Variants in MTREX observed in about 807,000 individuals in gnomAD.
The protein encoded by MTREX is exosome RNA helicase MTR4.
MTREX carries 76 observed loss-of-function variants against 135.4 expected under a neutral mutation model. The ratio of observed to expected loss-of-function variants is 0.56; its 90% CI spans 0.47 to 0.68. MTREX has a LOEUF of 0.68. Among genes scored for constraint, MTREX ranks in the 30% least tolerant of loss-of-function variants. MTREX has a pLI of 0.00. For synonymous variants in MTREX, 404 were observed against 401.6 expected (o/e 1.01, Z -0.07); for missense variants, 920 against 1,262.1 (o/e 0.73, Z 4.11).
chr5:55,423,038 C>G, intron 26 of MTREX, 56 bp downstream of exon 26: 1 of 1,388,590 alleles, frequency 7.2e-7, no homozygotes, highest in Non-Finnish European at 1.0e-6. Context: ...TGAAGCAAAT[C>G]TTGAGCCCTG....
In MTREX at chr5:55,401,438, A is replaced by C. The variant is rs565502928; in HGVS notation, c.2481+1017A>C. Among the ~76,000 whole-genome samples, 4 of 152,346 alleles carry C rather than the reference A, an allele frequency of 2.6e-5. No homozygotes were observed. In the South Asian group the frequency reaches 6.2e-4, roughly 24 times the overall value. On this transcript the variant is annotated intron_variant, in intron 21 of 26. Coordinates refer to ENST00000230640, the MANE Select transcript of MTREX (RefSeq NM_015360.5). ...TTTTTCTAACTTTTTGGCTCTGATG[A>C]ATAATGCTGCTGTGAACATTTGTAT...
Position 55,410,499 on chromosome 5 carries a change from T to TTAAATG in MTREX, c.2646-23_2646-22insAATGTA, listed in dbSNP as rs1481337011. On this transcript the variant is annotated intron_variant, in intron 22 of 26. Coordinates refer to ENST00000230640, the MANE Select transcript of MTREX (RefSeq NM_015360.5). ...ATGTGTGTCTTTATATTCTGACATTTTATTCTTTTGTTTTGCCATTGTAGT... is the reference window on the plus strand; with the variant it reads ...ATGTGTGTCTTTATATTCTGACATTTTAAATGTATTCTTTTGTTTTGCCATTGTAGT... 3 of 1,482,032 alleles carry TTAAATG rather than the reference T, an allele frequency of 2.0e-6. No individual in the cohort carries two copies. In the African/African-American group the frequency reaches 4.2e-5, roughly 21 times the overall value. The allele number at this position is 1,482,032 out of a possible 1,614,324, so 91.8% of individuals were successfully genotyped here.
intron 16 of MTREX, among the ~76,000 whole-genome samples, chr5:55,374,375 C>T (rs1408560123): frequency 6.6e-6 from 1 of 151,210 alleles, no homozygotes; most frequent in Non-Finnish European, 1.5e-5. Flanking sequence ...GTAGCCTCAA[C>T]CTCCTGGGCT....
intron 22 of MTREX, among the ~76,000 whole-genome samples, chr5:55,406,951 C>G (rs1209137691): frequency 6.6e-6 from 1 of 152,204 alleles, no homozygotes; most frequent in East Asian, 1.9e-4. Flanking sequence ...GCCAGCTTGC[C>G]TCTGTCCTCC....
rs550717570 is a variant in MTREX, at chr5:55,391,330, C to G, written c.2181+3228C>G. On this transcript the variant is annotated intron_variant, in intron 19 of 26. Coordinates refer to ENST00000230640, the MANE Select transcript of MTREX (RefSeq NM_015360.5). ...GGCATGGTGGCATGTGCGTGTAGTC[C>G]CTGCTGTTTTGGAGGCTGAAGTGGG... Among the ~76,000 whole-genome samples, 75 of 152,020 alleles carry G rather than the reference C, an allele frequency of 4.9e-4. 1 individual carries two copies. The highest frequency in any genetic ancestry group is 2.9e-3 in the Admixed American group (44 of 15,274).
chr5:55,350,003 A>G (rs1047776978), intron 12 of MTREX, among the ~76,000 whole-genome samples: 44 of 152,242 alleles, frequency 2.9e-4, no homozygotes, highest in Admixed American at 6.5e-4. Context: ...TCATGTGTTT[A>G]GTGAGGAATT....
chr5:55,366,260 T>A (rs193186529), intron 15 of MTREX, among the ~76,000 whole-genome samples: 1 of 152,276 alleles, frequency 6.6e-6, no homozygotes, highest in East Asian at 1.9e-4. Flanking sequence ...AGGCTGAAGT[T>A]GGAGGATTGA....
intron 21 of MTREX, among the ~76,000 whole-genome samples, chr5:55,404,219 G>T (rs1750766171): frequency 1.3e-5 from 2 of 152,094 alleles, no homozygotes; most frequent in Admixed American, 6.6e-5. Flanking sequence ...AAACTTTTCT[G>T]TCGGTGTTTT....
intron 1 of MTREX, among the ~76,000 whole-genome samples, chr5:55,313,636 C>T (rs1356040521): frequency 6.6e-6 from 1 of 151,970 alleles, no homozygotes; most frequent in African/African-American, 2.4e-5. Context: ...ATGTTTATGC[C>T]ACTAATTTGA....
At chr5:55,395,145 C>T (rs141319991) in intron 19 of MTREX, among the ~76,000 whole-genome samples, 135 of 152,136 alleles carry the variant, frequency 8.9e-4, no homozygotes, top group African/African-American at 3.1e-3. Context: ...GTGGCTCACG[C>T]CTTTAATCCC....
At chr5:55,329,199 T>C (rs1749429026) in intron 5 of MTREX, among the ~76,000 whole-genome samples, 1 of 149,878 alleles carries the variant, frequency 6.7e-6, no homozygotes, top group East Asian at 2.0e-4. Flanking sequence ...TTTTTGCATC[T>C]ATTGACATGA....
rs140118929 is a variant in MTREX, at chr5:55,342,393, T to G, written c.781+622T>G. On this transcript the variant is annotated intron_variant, in intron 7 of 26. Transcript: ENST00000230640. Reference sequence around the variant, plus strand: ...AATGTTACAGAATTTCTAAAACTTCTAGCTTGCAAAGTTAACTTTCCTGAT... The same window carrying G: ...AATGTTACAGAATTTCTAAAACTTCGAGCTTGCAAAGTTAACTTTCCTGAT... Among the ~76,000 whole-genome samples the G allele has an allele frequency of 7.2e-5, 11 of 152,346 alleles. No individual in the cohort carries two copies. The East Asian group carries it at 2.1e-3, about 29-fold the overall frequency.
At chr5:55,386,134 C>G (rs1750475009) in intron 18 of MTREX, among the ~76,000 whole-genome samples, 1 of 152,102 alleles carries the variant, frequency 6.6e-6, no homozygotes, top group African/African-American at 2.4e-5. Flanking sequence ...ACGAAGAAAA[C>G]TGTTAGAAGC....
intron 19 of MTREX, among the ~76,000 whole-genome samples, chr5:55,390,139 T>C (rs897227388): frequency 1.7e-4 from 26 of 152,274 alleles, no homozygotes; most frequent in Admixed American, 1.0e-3. Context: ...AGTCTCGCTC[T>C]GTCACCAGGC....
chr5:55,382,275 G>A (rs1388698405), intron 18 of MTREX, among the ~76,000 whole-genome samples: 2 of 151,468 alleles, frequency 1.3e-5, no homozygotes, highest in East Asian at 1.9e-4. Context: ...TTCTAATGTG[G>A]CATTTTAATT....
intron 8 of MTREX, 127 bp downstream of exon 8, chr5:55,343,582 T>C (rs1196455329): frequency 1.3e-6 from 1 of 775,752 alleles, no homozygotes; most frequent in Non-Finnish European, 2.0e-6. Context: ...AATGGTAAAC[T>C]GCTTCTCAAA....
intron 1 of MTREX, among the ~76,000 whole-genome samples, chr5:55,309,931 G>A (rs1029918324): frequency 6.6e-6 from 1 of 152,138 alleles, no homozygotes; most frequent in Non-Finnish European, 1.5e-5. Context: ...AGTTGGATTG[G>A]GAGAGTTTGG....
chr5:55,413,905 A>G (rs975261131), intron 23 of MTREX, among the ~76,000 whole-genome samples: 1 of 152,186 alleles, frequency 6.6e-6, no homozygotes. Flanking sequence ...TCAGTTCCAT[A>G]TGTAATCACA....
intron 3 of MTREX, among the ~76,000 whole-genome samples, chr5:55,326,605 T>G (rs995258369): frequency 1.3e-5 from 2 of 152,146 alleles, no homozygotes; most frequent in East Asian, 3.9e-4. Context: ...CAAGGCTATT[T>G]GTACGTGTCA....
Sources: gnomAD v4.1 joint callset for allele counts (sites outside exome capture counted in the v4.1 genomes callset) on GRCh38, gnomAD v4.1.1 for gene constraint, MANE v1.5 for transcripts, NCBI Gene and HGNC (gene_info 2026-07-23, HGNC 2026-07-21) for gene names.